Variants in CPPED1 observed in about 807,000 individuals in gnomAD.
The protein encoded by CPPED1 is serine/threonine-protein phosphatase CPPED1.
CPPED1 carries 28 observed loss-of-function variants against 28.0 expected under a neutral mutation model. The ratio of observed to expected loss-of-function variants is 1.00; its 90% CI spans 0.74 to 1.37. The LOEUF is 1.37. Among genes scored for constraint, CPPED1 ranks in the 40% most tolerant of loss-of-function variants. The pLI is 0.00. For synonymous variants in CPPED1, 198 were observed against 180.2 expected (o/e 1.10, Z -0.79); for missense variants, 504 against 416.5 (o/e 1.21, Z -1.83).
intron 3 of CPPED1, among the ~76,000 whole-genome samples, chr16:12,676,376 A>T (rs1567272864): frequency 6.6e-6 from 1 of 152,172 alleles, no homozygotes; most frequent in Non-Finnish European, 1.5e-5. Flanking sequence ...AAAATGCAGA[A>T]ATCGACATCA....
chr16:12,672,113 A>G (rs954678087), intron 3 of CPPED1, among the ~76,000 whole-genome samples: 9 of 152,252 alleles, frequency 5.9e-5, no homozygotes, highest in African/African-American at 1.9e-4. Flanking sequence ...AGGTTTGTGT[A>G]AGGACACTGT....
intron 2 of CPPED1, among the ~76,000 whole-genome samples, chr16:12,765,873 G>C (rs1168265040): frequency 6.6e-6 from 1 of 152,046 alleles, no homozygotes; most frequent in Non-Finnish European, 1.5e-5. Flanking sequence ...TCCACATTCT[G>C]ATCACTTGAC....
At chr16:12,720,932 G>C (rs551430592) in intron 2 of CPPED1, among the ~76,000 whole-genome samples, 217 of 152,190 alleles carry the variant, frequency 1.4e-3, no homozygotes, top group Non-Finnish European at 2.7e-3. Flanking sequence ...AAGTAAACAA[G>C]ATTTGGAATG....
intron 3 of CPPED1, among the ~76,000 whole-genome samples, chr16:12,686,523 T>C (rs776941812): frequency 5.9e-5 from 9 of 152,232 alleles, no homozygotes; most frequent in Admixed American, 6.5e-5. Flanking sequence ...ATAAACTTCT[T>C]GTATCATTTC....
chr16:12,762,586 G>T (rs1453829961), intron 2 of CPPED1, among the ~76,000 whole-genome samples: 2 of 152,184 alleles, frequency 1.3e-5, no homozygotes, highest in African/African-American at 4.8e-5. Context: ...TCGATCCCAA[G>T]GCGCCGCATA....
intron 3 of CPPED1, among the ~76,000 whole-genome samples, chr16:12,677,777 T>C (rs1363576607): frequency 1.3e-5 from 2 of 152,252 alleles, no homozygotes; most frequent in African/African-American, 4.8e-5. Flanking sequence ...TTAACTAGCA[T>C]GGCATCTTAA....
chr16:12,706,056 T>G (rs571690254), intron 2 of CPPED1, among the ~76,000 whole-genome samples: 1 of 152,324 alleles, frequency 6.6e-6, no homozygotes, highest in East Asian at 1.9e-4. Context: ...AGTTCAGAAT[T>G]TCAATATCTC....
chr16:12,667,545 G>C (rs1260319883), intron 3 of CPPED1, among the ~76,000 whole-genome samples: 4 of 152,296 alleles, frequency 2.6e-5, no homozygotes, highest in African/African-American at 9.6e-5. Context: ...CTTGATGCCA[G>C]GAGTATGAGA....
At chr16:12,715,491 C>T (rs1377057685) in intron 2 of CPPED1, among the ~76,000 whole-genome samples, 1 of 152,094 alleles carries the variant, frequency 6.6e-6, no homozygotes, top group East Asian at 1.9e-4. Context: ...GAAACCCCAT[C>T]TCTACTAAAA....
intron 2 of CPPED1, among the ~76,000 whole-genome samples, chr16:12,739,432 T>C (rs2080243043): frequency 6.6e-6 from 1 of 151,890 alleles, no homozygotes; most frequent in Admixed American, 6.6e-5. Flanking sequence ...ATACAAAATA[T>C]TAGTTGGGCA....
At chr16:12,790,404 G>A (rs933060122) in intron 1 of CPPED1, among the ~76,000 whole-genome samples, 3 of 152,056 alleles carry the variant, frequency 2.0e-5, no homozygotes, top group African/African-American at 7.2e-5. Flanking sequence ...TACCAGTTAA[G>A]CAATGACTAA....
chr16:12,691,113 A>G (rs940284878), intron 3 of CPPED1, among the ~76,000 whole-genome samples: 4 of 152,244 alleles, frequency 2.6e-5, no homozygotes, highest in African/African-American at 9.6e-5. Context: ...CCAGGCCCCA[A>G]GCAATTAGTG....
At chr16:12,736,889 TC>T (rs1235532242) in intron 2 of CPPED1, among the ~76,000 whole-genome samples, 2 of 152,002 alleles carry the variant, frequency 1.3e-5, no homozygotes, top group African/African-American at 4.8e-5. Context: ...GAGCTGCAAC[TC>T]TAAAATCAGA....
At chr16:12,789,412 A>G (rs1463728751) in intron 1 of CPPED1, among the ~76,000 whole-genome samples, 1 of 152,226 alleles carries the variant, frequency 6.6e-6, no homozygotes, top group African/African-American at 2.4e-5. Flanking sequence ...TGCCACAGAC[A>G]TCACTCGCCC....
At chr16:12,745,380 C>T (rs771356219) in intron 2 of CPPED1, among the ~76,000 whole-genome samples, 1 of 152,182 alleles carries the variant, frequency 6.6e-6, no homozygotes, top group Non-Finnish European at 1.5e-5. Context: ...CGAATGTGCA[C>T]TGCAGCACTG....
intron 3 of CPPED1, among the ~76,000 whole-genome samples, chr16:12,665,860 G>C (rs2079822821): frequency 6.6e-6 from 1 of 152,200 alleles, no homozygotes; most frequent in African/African-American, 2.4e-5. Flanking sequence ...GGGAGGTGGA[G>C]GTTGCAGTGA....
At chr16:12,724,879 C>T (rs141691793) in intron 2 of CPPED1, among the ~76,000 whole-genome samples, 1,569 of 152,130 alleles carry the variant, frequency 0.01, 12 homozygotes, top group Middle Eastern at 0.024. Context: ...CTCAGCCTCT[C>T]GGGTTCACGC....
intron 1 of CPPED1, among the ~76,000 whole-genome samples, chr16:12,799,243 GTTTTTTTTT>G (rs200948126): frequency 3.3e-4 from 45 of 135,260 alleles, no homozygotes; most frequent in African/African-American, 1.1e-3. Context: ...GGAAAAGTCA[GTTTTTTTTT>G]TTTTTTTTTT....
chr16:12,699,249 C>T (rs2080007574), intron 3 of CPPED1, among the ~76,000 whole-genome samples: 1 of 152,176 alleles, frequency 6.6e-6, no homozygotes, highest in Non-Finnish European at 1.5e-5. Context: ...CAGAAAATAA[C>T]AGGTGCTGCT....
Sources: allele counts gnomAD v4.1 joint callset (sites outside exome capture counted in the v4.1 genomes callset), GRCh38; gene constraint gnomAD v4.1.1; transcripts MANE v1.5; gene names NCBI Gene and HGNC (gene_info 2026-07-23, HGNC 2026-07-21).